The following FSTL4 variants were observed in gnomAD, a reference collection of about 807,000 sequenced individuals.
FSTL4 encodes the protein follistatin-related protein 4.
FSTL4 carries 28 observed loss-of-function variants against 78.2 expected under a neutral mutation model. The observed-to-expected ratio is 0.36, with a 90% CI of 0.27 to 0.49. The LOEUF (loss-of-function observed/expected upper bound fraction) is 0.49. Among genes scored for constraint, FSTL4 ranks in the 20% least tolerant of loss-of-function variants. FSTL4 has a pLI of 0.98. For missense variants in FSTL4, 922 were observed against 1,084.9 expected, an observed-to-expected ratio of 0.85 and a Z score of 2.11; for synonymous variants, 422 against 440.5, an observed-to-expected ratio of 0.96 and a Z score of 0.53.
intron 3 of FSTL4, among the ~76,000 whole-genome samples, chr5:133,511,548 A>G (rs459557): frequency 0.13 from 19,229 of 152,218 alleles, 1,287 homozygotes; most frequent in Non-Finnish European, 0.15. Flanking sequence ...CACGTGACCC[A>G]AAGGCTGCAA....
chr5:133,443,861 A>G (rs1163057541), intron 3 of FSTL4, among the ~76,000 whole-genome samples: 1 of 152,156 alleles, frequency 6.6e-6, no homozygotes, highest in Non-Finnish European at 1.5e-5. Flanking sequence ...GCTTTCACCT[A>G]CGCAATTCTC....
chr5:133,621,938 T>A, the FSTL4 span, among the ~76,000 whole-genome samples: 1 of 152,126 alleles, frequency 6.6e-6, no homozygotes. Context: ...AAAACCATAG[T>A]ACAATATCAC....
chr5:133,294,054 C>A (rs1753330229), intron 6 of FSTL4, among the ~76,000 whole-genome samples: 1 of 152,216 alleles, frequency 6.6e-6, no homozygotes, highest in Admixed American at 6.5e-5. Context: ...CACTCCCATA[C>A]CTGCCTGTGA....
intron 4 of FSTL4, among the ~76,000 whole-genome samples, chr5:133,398,834 C>A (rs1267634537): frequency 6.6e-6 from 1 of 152,134 alleles, no homozygotes; most frequent in Non-Finnish European, 1.5e-5. Flanking sequence ...AGGCACCACT[C>A]TCCACCAAAA....
At chr5:133,729,696 A>T in the FSTL4 span, among the ~76,000 whole-genome samples, 15 of 152,122 alleles carry the variant, frequency 9.9e-5, no homozygotes, top group Non-Finnish European at 2.2e-4. Flanking sequence ...TTTACCCACC[A>T]CCAACCCACC....
rs1371699111 is a variant in FSTL4 at position 133,373,863 on chromosome 5, C to T, written c.409+26875G>A. Among the ~76,000 whole-genome samples, 3 of 152,224 alleles carry T rather than the reference C, an allele frequency of 2.0e-5. No homozygotes were observed. The East Asian group carries it at 5.8e-4, about 29-fold the overall frequency. On this transcript the variant is annotated intron_variant, in intron 4 of 15. Transcript: ENST00000265342. ...ACCTTCAGCAGCATGATGCCCTTCT[C>T]TATGTTGGCTTAAATAGAACTGGTC... is the stretch of plus-strand genomic sequence containing the variant.
At chr5:133,314,850 C>A (rs988319612) in intron 5 of FSTL4, among the ~76,000 whole-genome samples, 2 of 152,166 alleles carry the variant, frequency 1.3e-5, no homozygotes, top group Non-Finnish European at 2.9e-5. Context: ...GGCAACAATA[C>A]TGATGACCTC....
intron 3 of FSTL4, among the ~76,000 whole-genome samples, chr5:133,490,193 A>G (rs535883169): frequency 4.6e-5 from 7 of 151,880 alleles, no homozygotes; most frequent in African/African-American, 1.7e-4. Context: ...CTACAATAGA[A>G]GTGTTTTGTT....
In FSTL4 at chr5:133,199,735, A is replaced by G. The variant is rs1750261487; in HGVS notation, c.1889T>C (p.Met630Thr). 1.2e-6 allele frequency: 2 copies of G among 1,604,348 alleles called. No individual in the cohort carries two copies. The highest frequency in any genetic ancestry group is 8.5e-7 in the Non-Finnish European group (1 of 1,175,174). Residue 630 changes from methionine to threonine, a missense_variant, in exon 16 of 16, where the codon ATG becomes ACG. Coordinates refer to ENST00000265342, the MANE Select transcript of FSTL4 (RefSeq NM_015082.2). The surrounding 1 kb of genome is among the most constrained non-coding windows in gnomAD (Gnocchi z 4.4). The part of the protein sequence containing the change: ...AVHKVDLETM[M>T]PLKTIGLHHH... Reference sequence around the variant, plus strand: ...GTGCAGGCCGATGGTCTTGAGGGGCATCATTGTTTCCAGGTCCACCTTGTG... The same window carrying G: ...GTGCAGGCCGATGGTCTTGAGGGGCGTCATTGTTTCCAGGTCCACCTTGTG...
At chr5:133,256,144 C>T (rs915763500) in intron 6 of FSTL4, among the ~76,000 whole-genome samples, 9 of 152,178 alleles carry the variant, frequency 5.9e-5, no homozygotes, top group East Asian at 1.9e-4. Flanking sequence ...GACTGAGCCT[C>T]GGAGGGCAAA....
At chr5:133,432,332 A>C (rs1475385723) in intron 3 of FSTL4, among the ~76,000 whole-genome samples, 2 of 152,246 alleles carry the variant, frequency 1.3e-5, no homozygotes, top group African/African-American at 4.8e-5. Flanking sequence ...AATTCTCTTC[A>C]TAATGACATT....
intron 6 of FSTL4, among the ~76,000 whole-genome samples, chr5:133,306,561 C>T (rs1018021378): frequency 1.3e-5 from 2 of 152,198 alleles, no homozygotes; most frequent in Non-Finnish European, 2.9e-5. Flanking sequence ...GTCCAGCTGG[C>T]CTGCTCCAGC....
chr5:133,291,203 A>C (rs1358894781), intron 6 of FSTL4, among the ~76,000 whole-genome samples: 1 of 152,012 alleles, frequency 6.6e-6, no homozygotes, highest in Non-Finnish European at 1.5e-5. Flanking sequence ...GAGTCACACT[A>C]AGTGTGTGGT....
chr5:133,518,359 A>G (rs1421409471), intron 3 of FSTL4, among the ~76,000 whole-genome samples: 5 of 152,226 alleles, frequency 3.3e-5, no homozygotes, highest in African/African-American at 1.2e-4. Context: ...AAATCAATAC[A>G]ACTGGTGAAT....
chr5:133,297,134 T>C (rs987376605), intron 6 of FSTL4, among the ~76,000 whole-genome samples: 3 of 152,212 alleles, frequency 2.0e-5, no homozygotes, highest in African/African-American at 4.8e-5. Context: ...TCATGTCAAA[T>C]AGTGTTACCA....
the FSTL4 span, among the ~76,000 whole-genome samples, chr5:133,709,242 T>C: frequency 6.6e-6 from 1 of 152,208 alleles, no homozygotes; most frequent in Non-Finnish European, 1.5e-5. Context: ...AGGATTTTTA[T>C]AGTGATTGGA....
At chr5:133,594,961 T>A (rs984591919) in intron 2 of FSTL4, among the ~76,000 whole-genome samples, 1 of 152,250 alleles carries the variant, frequency 6.6e-6, no homozygotes. Flanking sequence ...CTTTCTGCCC[T>A]CTGTGAGGAT....
chr5:133,628,255 G>A, the FSTL4 span, among the ~76,000 whole-genome samples: 1 of 151,964 alleles, frequency 6.6e-6, no homozygotes, highest in Non-Finnish European at 1.5e-5. Flanking sequence ...ACAAGAAATA[G>A]CTAAGATCAG....
chr5:133,386,297 T>C (rs570915221), intron 4 of FSTL4, among the ~76,000 whole-genome samples: 284 of 152,352 alleles, frequency 1.9e-3, no homozygotes, highest in African/African-American at 6.7e-3. Context: ...GCTGCAAAGC[T>C]TGATGATTAT....
Sources: allele counts gnomAD v4.1 joint callset (sites outside exome capture counted in the v4.1 genomes callset), GRCh38; gene constraint gnomAD v4.1.1; non-coding constraint Gnocchi (gnomAD v3.1); transcripts MANE v1.5; gene names NCBI Gene and HGNC (gene_info 2026-07-23, HGNC 2026-07-21).